Variants in GALNT14 observed in about 807,000 individuals in gnomAD.
GALNT14 encodes polypeptide N-acetylgalactosaminyltransferase 14.
GALNT14 carries 60 observed loss-of-function variants against 77.5 expected under a neutral mutation model. The observed-to-expected ratio is 0.77, with a 90% CI of 0.63 to 0.96. GALNT14 has a LOEUF of 0.96. Ranked by LOEUF, GALNT14 falls within the 40% of genes least tolerant of loss-of-function variation. GALNT14 has a pLI of 0.00. For missense variants in GALNT14, 710 were observed against 731.0 expected (o/e 0.97, Z 0.33); for synonymous variants, 280 against 281.7 (o/e 0.99, Z 0.06).
At chr2:30,973,873 G>A (rs967790993) in intron 2 of GALNT14, among the ~76,000 whole-genome samples, 8 of 152,122 alleles carry the variant, frequency 5.3e-5, no homozygotes, top group Admixed American at 6.5e-5. Context: ...AGTGAGATTC[G>A]CTATTCCATT....
intron 1 of GALNT14, 66 bp downstream of exon 1, chr2:31,137,892 G>T: frequency 6.5e-7 from 1 of 1,544,442 alleles, no homozygotes; most frequent in South Asian, 1.2e-5. Flanking sequence ...CCGCAAACCC[G>T]GCACGCGGGC....
intron 1 of GALNT14, among the ~76,000 whole-genome samples, chr2:30,993,664 A>T (rs6761803): frequency 0.046 from 6,970 of 152,332 alleles, 513 homozygotes; most frequent in African/African-American, 0.16. Flanking sequence ...CCCTCACCGT[A>T]CATGGATAGA....
chr2:30,978,503 A>G (rs1445663694), intron 2 of GALNT14, among the ~76,000 whole-genome samples: 1 of 152,196 alleles, frequency 6.6e-6, no homozygotes, highest in African/African-American at 2.4e-5. Flanking sequence ...TGCCTCCCAC[A>G]CATCAGGGGG....
intron 2 of GALNT14, among the ~76,000 whole-genome samples, chr2:30,975,807 G>A (rs1017130117): frequency 2.1e-4 from 32 of 152,216 alleles, no homozygotes; most frequent in Non-Finnish European, 4.0e-4. Context: ...AATTAAGTTC[G>A]TGACATTTTA....
intron 1 of GALNT14, among the ~76,000 whole-genome samples, chr2:30,996,231 G>T (rs1273033461): frequency 1.3e-5 from 2 of 152,030 alleles, no homozygotes; most frequent in African/African-American, 4.8e-5. Context: ...AAGGCCCAGA[G>T]AAAAAAAATC....
At chr2:31,064,454 A>G (rs1321682544) in intron 1 of GALNT14, among the ~76,000 whole-genome samples, 1 of 152,210 alleles carries the variant, frequency 6.6e-6, no homozygotes, top group Non-Finnish European at 1.5e-5. Flanking sequence ...CTGTCCCCGA[A>G]AACCAAAGGA....
chr2:31,007,665 C>T (rs1422798381), intron 1 of GALNT14, among the ~76,000 whole-genome samples: 1 of 152,186 alleles, frequency 6.6e-6, no homozygotes, highest in Non-Finnish European at 1.5e-5. Flanking sequence ...TCCAGATTTG[C>T]AATTCAGATG....
At chr2:31,022,468 C>CT (rs1459189675) in intron 1 of GALNT14, among the ~76,000 whole-genome samples, 1 of 152,120 alleles carries the variant, frequency 6.6e-6, no homozygotes, top group South Asian at 2.1e-4. Context: ...GGAATAAGGC[C>CT]TTTTTTTCCC....
chr2:30,988,888 G>T (rs1669484667), intron 2 of GALNT14, among the ~76,000 whole-genome samples: 1 of 152,172 alleles, frequency 6.6e-6, no homozygotes, highest in African/African-American at 2.4e-5. Flanking sequence ...CTGGTTTGGG[G>T]AACCAGAATT....
intron 1 of GALNT14, chr2:31,079,206 TCTC>T (rs1676003645): frequency 4.8e-6 from 2 of 418,564 alleles, no homozygotes; most frequent in South Asian, 2.4e-5. Context: ...CAAGAAGGAT[TCTC>T]CTCCTATTAG....
At chr2:30,925,471 G>A (rs1162875982) in intron 11 of GALNT14, among the ~76,000 whole-genome samples, 1 of 152,186 alleles carries the variant, frequency 6.6e-6, no homozygotes, top group Non-Finnish European at 1.5e-5. Flanking sequence ...GTCCATGGTG[G>A]TCAAGGTAGT....
chr2:31,067,311 A>C (rs968579719), intron 1 of GALNT14, among the ~76,000 whole-genome samples: 1 of 152,142 alleles, frequency 6.6e-6, no homozygotes, highest in African/African-American at 2.4e-5. Flanking sequence ...CAAGGGGTCC[A>C]TGTCCCCACG....
At chr2:30,903,575 C>A in the GALNT14 span, among the ~76,000 whole-genome samples, 1 of 152,244 alleles carries the variant, frequency 6.6e-6, no homozygotes, top group African/African-American at 2.4e-5. Flanking sequence ...GAACCAAATC[C>A]TGCCAACAAC....
chr2:31,135,641 C>T (rs1679196491), intron 1 of GALNT14, among the ~76,000 whole-genome samples: 1 of 152,238 alleles, frequency 6.6e-6, no homozygotes, highest in African/African-American at 2.4e-5. Flanking sequence ...AGACAAAGAG[C>T]AACTGGTTCA....
chr2:31,066,342 C>A (rs975834445), intron 1 of GALNT14, among the ~76,000 whole-genome samples: 2 of 151,000 alleles, frequency 1.3e-5, no homozygotes, highest in Admixed American at 1.3e-4. Context: ...AGGAGTGAGG[C>A]TGGGCCTCGA....
intron 13 of GALNT14, among the ~76,000 whole-genome samples, chr2:30,913,757 A>G (rs2148201338): frequency 6.6e-6 from 1 of 152,298 alleles, no homozygotes; most frequent in South Asian, 2.1e-4. Context: ...GAGAAGACCT[A>G]GATCAGAAAG....
chr2:31,046,482 C>T (rs1251226998), intron 1 of GALNT14, among the ~76,000 whole-genome samples: 1 of 152,174 alleles, frequency 6.6e-6, no homozygotes, highest in Non-Finnish European at 1.5e-5. Flanking sequence ...CCCGCCTCGG[C>T]ATCCCTAAGT....
At chr2:30,991,963 G>A (rs749677098) in intron 2 of GALNT14, among the ~76,000 whole-genome samples, 2 of 152,128 alleles carry the variant, frequency 1.3e-5, no homozygotes, top group Non-Finnish European at 2.9e-5. Context: ...GCTAACACCA[G>A]TACCACAGCT....
intron 1 of GALNT14, among the ~76,000 whole-genome samples, chr2:31,041,102 C>T (rs1449783804): frequency 6.6e-6 from 1 of 152,092 alleles, no homozygotes. Context: ...CAGTGCAGCA[C>T]GTGTCAATAA....
Sources: gnomAD v4.1 joint callset for allele counts (sites outside exome capture counted in the v4.1 genomes callset) on GRCh38, gnomAD v4.1.1 for gene constraint, MANE v1.5 for transcripts, NCBI Gene and HGNC (gene_info 2026-07-23, HGNC 2026-07-21) for gene names.